MAST2: variants seen among roughly 807,000 people sequenced by gnomAD.
MAST2 encodes microtubule-associated serine/threonine-protein kinase 2.
A neutral mutation model predicts 147.4 loss-of-function variants in MAST2; 70 were observed. The ratio of observed to expected loss-of-function variants is 0.47; its 90% confidence interval spans 0.39 to 0.58. The LOEUF (loss-of-function observed/expected upper bound fraction) is 0.58. Among genes scored for constraint, MAST2 ranks in the 20% least tolerant of loss-of-function variants. The pLI is 0.00. For missense variants in MAST2, 2,080 were observed against 2,302.3 expected, an observed-to-expected ratio of 0.90 and a Z score of 1.98; for synonymous variants, 869 against 896.8, an observed-to-expected ratio of 0.97 and a Z score of 0.55.
intron 3 of MAST2, among the ~76,000 whole-genome samples, chr1:45,850,794 T>G (rs1645599757): frequency 6.6e-6 from 1 of 151,840 alleles, no homozygotes; most frequent in African/African-American, 2.4e-5. Context: ...TTCTCTATTC[T>G]GTTCTATAGG....
chr1:45,858,043 T>C (rs1479544788), intron 3 of MAST2, among the ~76,000 whole-genome samples: 1 of 152,080 alleles, frequency 6.6e-6, no homozygotes, highest in African/African-American at 2.4e-5. Flanking sequence ...TCCAAGTCTT[T>C]GCTATTGTGA....
intron 4 of MAST2, among the ~76,000 whole-genome samples, chr1:45,931,900 A>G (rs1655376139): frequency 6.6e-6 from 1 of 152,090 alleles, no homozygotes; most frequent in Admixed American, 6.5e-5. Context: ...TGTGTTGCCT[A>G]GGCTGGTCTT....
intron 3 of MAST2, among the ~76,000 whole-genome samples, chr1:45,856,620 C>T (rs1645799277): frequency 6.6e-6 from 1 of 152,100 alleles, no homozygotes; most frequent in Non-Finnish European, 1.5e-5. Context: ...AACGTTCTGT[C>T]TTTTGAAAAG....
intron 4 of MAST2, among the ~76,000 whole-genome samples, chr1:45,945,543 C>A (rs756205838): frequency 2.0e-5 from 3 of 152,090 alleles, no homozygotes; most frequent in Non-Finnish European, 4.4e-5. Context: ...AATTTGGGCA[C>A]AGGCCAGACA....
chr1:45,877,742 G>A (rs537632984), intron 3 of MAST2, among the ~76,000 whole-genome samples: 1 of 152,266 alleles, frequency 6.6e-6, no homozygotes, highest in East Asian at 1.9e-4. Context: ...TCAGAAAATA[G>A]AGGAGTAAGG....
intron 4 of MAST2, among the ~76,000 whole-genome samples, chr1:45,940,921 T>C (rs10789483): frequency 1 from 152,115 of 152,360 alleles, 75,939 homozygotes; most frequent in Middle Eastern, 1. Context: ...GCCTGGCCTA[T>C]GAGGATTTTA....
intron 3 of MAST2, among the ~76,000 whole-genome samples, chr1:45,838,411 C>T (rs887055517): frequency 4.6e-5 from 7 of 150,538 alleles, no homozygotes; most frequent in South Asian, 2.1e-4. Flanking sequence ...TTAATAGAGA[C>T]GGGGTTTTGC....
chr1:45,818,057 G>A (rs1644509265), intron 1 of MAST2, among the ~76,000 whole-genome samples: 1 of 152,186 alleles, frequency 6.6e-6, no homozygotes. Flanking sequence ...GTTGGTGAGA[G>A]GTTAGGTGAA....
intron 5 of MAST2, among the ~76,000 whole-genome samples, chr1:45,961,582 G>A (rs1395379667): frequency 2.6e-5 from 4 of 152,272 alleles, no homozygotes; most frequent in African/African-American, 9.6e-5. Context: ...AACATGCTTA[G>A]TACTTTACAA....
At chr1:45,997,247 A>T (rs892300933) in intron 5 of MAST2, among the ~76,000 whole-genome samples, 1 of 152,178 alleles carries the variant, frequency 6.6e-6, no homozygotes, top group South Asian at 2.1e-4. Flanking sequence ...CCTACCTGAG[A>T]ACTTCTCTTT....
At chr1:45,897,296 A>G (rs1028910645) in intron 4 of MAST2, among the ~76,000 whole-genome samples, 7 of 152,214 alleles carry the variant, frequency 4.6e-5, no homozygotes, top group African/African-American at 1.4e-4. Flanking sequence ...ATATAGTTGC[A>G]TTCACTGTTA....
intron 17 of MAST2, 136 bp from the exon 18 acceptor site, chr1:46,028,632 C>G (rs911368135): frequency 2.0e-5 from 17 of 841,416 alleles, no homozygotes; most frequent in Non-Finnish European, 3.1e-5. Context: ...TTCTGTTGAT[C>G]TTGTTCATTA....
intron 26 of MAST2, among the ~76,000 whole-genome samples, chr1:46,033,387 T>C (rs1486553016): frequency 6.6e-6 from 1 of 150,914 alleles, no homozygotes; most frequent in Non-Finnish European, 1.5e-5. Context: ...TGCAGTGAGC[T>C]GAGATCGCAC....
At chr1:45,925,363 A>C (rs963966018) in intron 4 of MAST2, among the ~76,000 whole-genome samples, 2 of 152,194 alleles carry the variant, frequency 1.3e-5, no homozygotes, top group African/African-American at 4.8e-5. Flanking sequence ...AGGCATAATA[A>C]ATTTCATTGT....
intron 3 of MAST2, among the ~76,000 whole-genome samples, chr1:45,836,976 G>A (rs916414639): frequency 3.3e-5 from 5 of 152,076 alleles, no homozygotes; most frequent in African/African-American, 7.2e-5. Context: ...CATGAGGAGC[G>A]TGCAACCTAG....
At chr1:45,840,291 A>G (rs1161476573) in intron 3 of MAST2, among the ~76,000 whole-genome samples, 1 of 152,238 alleles carries the variant, frequency 6.6e-6, no homozygotes, top group African/African-American at 2.4e-5. Flanking sequence ...TGGAGGTAGA[A>G]ATCTAGAAGT....
chr1:46,007,752 G>A (rs1327205111), intron 8 of MAST2, among the ~76,000 whole-genome samples: 1 of 152,170 alleles, frequency 6.6e-6, no homozygotes, highest in Non-Finnish European at 1.5e-5. Context: ...ATAAATTAAG[G>A]CAGAAAACAT....
chr1:45,943,749 A>T (rs1024659585), intron 4 of MAST2, among the ~76,000 whole-genome samples: 5 of 152,042 alleles, frequency 3.3e-5, no homozygotes, highest in East Asian at 3.8e-4. Flanking sequence ...TCTGTCTCAA[A>T]AAATAAATAA....
intron 1 of MAST2, among the ~76,000 whole-genome samples, chr1:45,815,619 T>C (rs188136310): frequency 6.6e-6 from 1 of 152,306 alleles, no homozygotes; most frequent in African/African-American, 2.4e-5. Context: ...AACATTTAAG[T>C]TCTACCTTTA....
Sources: allele counts gnomAD v4.1 joint callset (sites outside exome capture counted in the v4.1 genomes callset), GRCh38; gene constraint gnomAD v4.1.1; transcripts MANE v1.5; gene names NCBI Gene and HGNC (gene_info 2026-07-23, HGNC 2026-07-21).